Variants in DOCK1 observed in about 807,000 individuals in gnomAD.
DOCK1 encodes the protein dedicator of cytokinesis protein 1.
A neutral mutation model predicts 262.7 loss-of-function variants in DOCK1; 138 were observed. The observed-to-expected ratio is 0.53, with a 90% CI of 0.46 to 0.61. DOCK1 has a LOEUF of 0.61. DOCK1 is among the 20% of genes least tolerant of loss of function. The pLI is 0.00. For synonymous variants in DOCK1, 866 were observed against 867.4 expected (o/e 1.00, Z 0.03); for missense variants, 1,908 against 2,370.7 (o/e 0.80, Z 4.05).
At position 127,049,658 on chromosome 10, in the gene DOCK1, C is replaced by G. The variant is rs145232064; in HGVS notation, c.2202-3023C>G. Reference sequence around the variant, plus strand: ...TCATGTATTGAAAAATAAAATATTGCTTGAATGTTTATTTCAAATTATAGT... The same window carrying G: ...TCATGTATTGAAAAATAAAATATTGGTTGAATGTTTATTTCAAATTATAGT... On this transcript the variant is annotated intron_variant, in intron 21 of 51. Coordinates refer to ENST00000623213, the MANE Select transcript of DOCK1 (RefSeq NM_001290223.2). 7.3e-5 allele frequency among the ~76,000 whole-genome samples: 11 copies of G among 151,592 alleles called. No homozygotes were observed. In the East Asian group the frequency reaches 2.1e-3, roughly 29 times the overall value.
At chr10:127,150,305 C>T (rs1465105638) in intron 27 of DOCK1, among the ~76,000 whole-genome samples, 2 of 152,276 alleles carry the variant, frequency 1.3e-5, no homozygotes, top group Non-Finnish European at 1.5e-5. Flanking sequence ...CCGCAAGCTG[C>T]GAGGTCATCC....
At chr10:127,363,373 G>A (rs1388425475) in intron 33 of DOCK1, among the ~76,000 whole-genome samples, 1 of 152,126 alleles carries the variant, frequency 6.6e-6, no homozygotes, top group Non-Finnish European at 1.5e-5. Context: ...AGTGAGGCAT[G>A]GTGGTGCACA....
intron 11 of DOCK1, among the ~76,000 whole-genome samples, chr10:127,011,806 A>G (rs1301955556): frequency 2.0e-5 from 3 of 150,496 alleles, no homozygotes; most frequent in Admixed American, 6.6e-5. Context: ...TTAAATCTTG[A>G]TTTTGCTTTT....
At chr10:127,038,229 G>A (rs927756548) in intron 19 of DOCK1, among the ~76,000 whole-genome samples, 2 of 151,982 alleles carry the variant, frequency 1.3e-5, no homozygotes, top group Admixed American at 6.6e-5. Flanking sequence ...GCAAAACTCC[G>A]TCTCAAAAAA....
At chr10:127,347,953 T>C (rs1352001128) in intron 31 of DOCK1, among the ~76,000 whole-genome samples, 1 of 140,524 alleles carries the variant, frequency 7.1e-6, no homozygotes, top group Non-Finnish European at 1.5e-5. Context: ...GCTTTGTGGC[T>C]CAAAACAATA....
At chr10:127,134,986 G>C (rs1036508459) in intron 27 of DOCK1, among the ~76,000 whole-genome samples, 1 of 152,168 alleles carries the variant, frequency 6.6e-6, no homozygotes, top group African/African-American at 2.4e-5. Flanking sequence ...AAGGAAGGAG[G>C]CGGCTGATCC....
chr10:127,221,449 G>T (rs1244904048), intron 27 of DOCK1, among the ~76,000 whole-genome samples: 1 of 152,168 alleles, frequency 6.6e-6, no homozygotes, highest in East Asian at 1.9e-4. Context: ...TGTGTGTCTT[G>T]TGTGGAGGGC....
At chr10:127,360,697 T>C (rs76944808) in intron 32 of DOCK1, among the ~76,000 whole-genome samples, 1 of 152,294 alleles carries the variant, frequency 6.6e-6, no homozygotes, top group East Asian at 1.9e-4. Flanking sequence ...CTCAAACGAT[T>C]TCTCTTTCAG....
intron 27 of DOCK1, among the ~76,000 whole-genome samples, chr10:127,202,988 G>A (rs944828585): frequency 9.9e-5 from 15 of 152,238 alleles, no homozygotes; most frequent in African/African-American, 3.1e-4. Context: ...TTCTTTTGTC[G>A]TCATTAGCCG....
rs1187019759 is a variant in DOCK1, at chr10:126,977,690, C to T, written c.131-258C>T. 5.9e-5 allele frequency among the ~76,000 whole-genome samples: 9 copies of T among 152,138 alleles called. No homozygotes were observed. In the South Asian group the frequency reaches 1.0e-3, roughly 18 times the overall value. The stretch of plus-strand genomic sequence containing the variant: ...CATCTGAACTTCAAACTGCTGCTTC[C>T]GAACCACATGAGATGACGGAGGTGA... On this transcript the variant is annotated intron_variant, in intron 2 of 51. Transcript: ENST00000623213.
At position 126,918,288 on chromosome 10, in the gene DOCK1, C is replaced by T. The variant is rs115076578; in HGVS notation, c.46+12725C>T. On this transcript the variant is annotated intron_variant, in intron 1 of 51. Coordinates refer to ENST00000623213, the MANE Select transcript of DOCK1 (RefSeq NM_001290223.2). ...ATGCAGCGGGGGCTCCGCTGATGCC[C>T]GGTATCCACCAGCGTGCAGCGGGGG... 8.6e-3 allele frequency among the ~76,000 whole-genome samples: 1,303 copies of T among 150,984 alleles called. 14 individuals are homozygous for T. Among genetic ancestry groups the T allele is most frequent in the African/African-American group, 0.031 (1,237 of 40,456 alleles).
chr10:127,223,167 G>T (rs11818589), intron 27 of DOCK1, among the ~76,000 whole-genome samples: 2,585 of 152,170 alleles, frequency 0.017, 77 homozygotes, highest in African/African-American at 0.059. Context: ...TTATAACAAT[G>T]TCTGATTATT....
intron 21 of DOCK1, among the ~76,000 whole-genome samples, chr10:127,045,684 G>T (rs1242594800): frequency 3.9e-5 from 6 of 152,220 alleles, no homozygotes; most frequent in Non-Finnish European, 8.8e-5. Flanking sequence ...CGGCTCCCCT[G>T]CGTGGGTAGT....
At chr10:127,066,703 A>G (rs2045899417) in intron 23 of DOCK1, among the ~76,000 whole-genome samples, 2 of 152,228 alleles carry the variant, frequency 1.3e-5, no homozygotes, top group Admixed American at 1.3e-4. Flanking sequence ...CTAGTGCCAG[A>G]GTAACTGGAG....
At chr10:127,212,146 C>T (rs1469014039) in intron 27 of DOCK1, among the ~76,000 whole-genome samples, 6 of 152,158 alleles carry the variant, frequency 3.9e-5, no homozygotes, top group Admixed American at 6.5e-5. Flanking sequence ...GATATCCTCA[C>T]GGAAGCAGAG....
At chr10:127,252,248 T>G (rs36155729) in intron 28 of DOCK1, among the ~76,000 whole-genome samples, 34,158 of 128,078 alleles carry the variant, frequency 0.27, 5,053 homozygotes, top group South Asian at 0.44. Context: ...TTTTTTTCTT[T>G]TAAATTTGTT....
At chr10:127,390,436 A>G (rs6482845) in intron 38 of DOCK1, among the ~76,000 whole-genome samples, 120,704 of 152,216 alleles carry the variant, frequency 0.79, 47,918 homozygotes, top group Admixed American at 0.83. Context: ...ATTTCAAAAT[A>G]TGGCTATATT....
intron 5 of DOCK1, among the ~76,000 whole-genome samples, chr10:126,988,991 T>C (rs2039605811): frequency 6.6e-6 from 1 of 151,254 alleles, no homozygotes. Flanking sequence ...GAGAATTGCT[T>C]GATCCTGGAA....
At chr10:127,157,974 C>T (rs2053242827) in intron 27 of DOCK1, among the ~76,000 whole-genome samples, 1 of 152,180 alleles carries the variant, frequency 6.6e-6, no homozygotes, top group Admixed American at 6.5e-5. Flanking sequence ...AGAGTGTTCT[C>T]AATAGAGGGC....
Sources: gnomAD v4.1 joint callset for allele counts (sites outside exome capture counted in the v4.1 genomes callset) on GRCh38, gnomAD v4.1.1 for gene constraint, MANE v1.5 for transcripts, NCBI Gene and HGNC (gene_info 2026-07-23, HGNC 2026-07-21) for gene names.